Variants in DPP6 observed in about 807,000 individuals in gnomAD.
DPP6 encodes A-type potassium channel modulatory protein DPP6.
Under a neutral mutation model 122.6 loss-of-function variants are expected in DPP6, and 69 were observed. The observed-to-expected ratio is 0.56, with a 90% CI of 0.46 to 0.69. DPP6 has a LOEUF of 0.69. DPP6 is among the 30% of genes least tolerant of loss of function. DPP6 has a pLI of 0.00. For synonymous variants in DPP6, 418 were observed against 433.1 expected (o/e 0.97, Z 0.43); for missense variants, 928 against 1,116.9 (o/e 0.83, Z 2.41).
chr7:154,433,136 GTTTTTTTTT>G (rs548053204), intron 1 of DPP6, among the ~76,000 whole-genome samples: 32 of 72,348 alleles, frequency 4.4e-4, no homozygotes, highest in African/African-American at 1.7e-3. Flanking sequence ...TAGACTGCAA[GTTTTTTTTT>G]TTTTTTTTTT....
intron 7 of DPP6, among the ~76,000 whole-genome samples, chr7:154,679,959 C>T (rs1056619290): frequency 8.5e-5 from 13 of 152,112 alleles, no homozygotes; most frequent in African/African-American, 3.1e-4. Flanking sequence ...TTAATATTCA[C>T]TTGCACTCAA....
chr7:154,776,930 T>G (rs143332461), intron 10 of DPP6, among the ~76,000 whole-genome samples: 386 of 152,366 alleles, frequency 2.5e-3, no homozygotes, highest in African/African-American at 8.8e-3. Context: ...TTCAGCAGGC[T>G]AGCTCACGAA....
intron 12 of DPP6, among the ~76,000 whole-genome samples, chr7:154,799,493 T>C (rs1179600317): frequency 6.6e-6 from 1 of 152,244 alleles, no homozygotes; most frequent in Admixed American, 6.5e-5. Context: ...CAGAGCCTAT[T>C]GTTTTGGTTG....
At chr7:154,034,947 A>C (rs1799443595) in intron 1 of DPP6, among the ~76,000 whole-genome samples, 1 of 150,830 alleles carries the variant, frequency 6.6e-6, no homozygotes, top group African/African-American at 2.4e-5. Context: ...AGATGGAAAG[A>C]ACTGACCTTT....
intron 1 of DPP6, among the ~76,000 whole-genome samples, chr7:154,206,462 T>C (rs1411152094): frequency 1.3e-5 from 2 of 152,172 alleles, no homozygotes; most frequent in Non-Finnish European, 2.9e-5. Flanking sequence ...CCCAGACATA[T>C]TGCTCATCGG....
intron 1 of DPP6, among the ~76,000 whole-genome samples, chr7:154,203,892 ATTTTTGTGTG>A (rs959878165): frequency 2.0e-5 from 3 of 152,260 alleles, no homozygotes; most frequent in African/African-American, 7.2e-5. Flanking sequence ...AGTAACATCT[ATTTTTGTGTG>A]TTTTTGTGAA....
chr7:153,934,683 T>C (rs1001320236), intron 1 of DPP6, among the ~76,000 whole-genome samples: 6 of 152,154 alleles, frequency 3.9e-5, no homozygotes, highest in Non-Finnish European at 8.8e-5. Flanking sequence ...CACTCACAGC[T>C]GTCATCTGGA....
chr7:154,794,056 C>T (rs1222479531), intron 10 of DPP6, 23 bp from the exon 11 acceptor site: 8 of 1,609,744 alleles, frequency 5.0e-6, no homozygotes, highest in African/African-American at 1.3e-5. Context: ...CCAAGCTGCT[C>T]ATGCTGTGTT....
At chr7:154,462,220 G>A (rs371714024) in intron 2 of DPP6, among the ~76,000 whole-genome samples, 2 of 152,244 alleles carry the variant, frequency 1.3e-5, no homozygotes, top group Non-Finnish European at 1.5e-5. Context: ...ATTGCTCTAT[G>A]TGTCTGTTTT....
intron 6 of DPP6, among the ~76,000 whole-genome samples, chr7:154,648,175 G>A (rs536772405): frequency 2.8e-4 from 42 of 151,478 alleles, no homozygotes; most frequent in East Asian, 2.5e-3. Flanking sequence ...CAGGAGAATC[G>A]TTTGAACCCT....
At chr7:154,658,064 G>A (rs1563069215) in intron 6 of DPP6, among the ~76,000 whole-genome samples, 2 of 152,200 alleles carry the variant, frequency 1.3e-5, no homozygotes, top group African/African-American at 2.4e-5. Context: ...GCACACAGAG[G>A]TTTGGAGACC....
intron 1 of DPP6, among the ~76,000 whole-genome samples, chr7:154,133,785 C>T (rs1795407472): frequency 6.7e-6 from 1 of 148,260 alleles, no homozygotes. Context: ...TCTTCTACTC[C>T]TATCAGCTCA....
chr7:154,696,974 G>A (rs573260459), intron 7 of DPP6, among the ~76,000 whole-genome samples: 34 of 115,430 alleles, frequency 2.9e-4, no homozygotes, highest in African/African-American at 1.1e-3. Flanking sequence ...GAGAGAGTAC[G>A]ATTCTACAAA....
At chr7:154,343,592 T>C (rs1810115655) in intron 1 of DPP6, among the ~76,000 whole-genome samples, 1 of 152,188 alleles carries the variant, frequency 6.6e-6, no homozygotes, top group African/African-American at 2.4e-5. Context: ...TTTTAGTTTT[T>C]GTTTTTGAAA....
intron 7 of DPP6, among the ~76,000 whole-genome samples, chr7:154,678,718 G>C (rs1045780633): frequency 3.9e-5 from 6 of 152,214 alleles, no homozygotes; most frequent in African/African-American, 1.4e-4. Context: ...TGTTTGTTTT[G>C]CTCTTAAAGG....
intron 1 of DPP6, among the ~76,000 whole-genome samples, chr7:154,019,286 C>T (rs1170695398): frequency 6.5e-4 from 99 of 152,204 alleles, no homozygotes; most frequent in Non-Finnish European, 3.1e-4. Flanking sequence ...CTAAAGCCAG[C>T]CTCTCCTTAC....
At chr7:154,320,001 AATATATATAT>A (rs71182894) in intron 1 of DPP6, among the ~76,000 whole-genome samples, 9,945 of 139,136 alleles carry the variant, frequency 0.071, 868 homozygotes, top group African/African-American at 0.21. Context: ...AAATATTTCA[AATATATATAT>A]ATATATATAT....
At chr7:154,865,789 G>C (rs943344851) in intron 17 of DPP6, among the ~76,000 whole-genome samples, 2 of 152,130 alleles carry the variant, frequency 1.3e-5, no homozygotes, top group Non-Finnish European at 2.9e-5. Flanking sequence ...GTCCTGTTTA[G>C]TTTCCTGGGG....
chr7:154,476,729 G>A (rs1273855271), intron 3 of DPP6, among the ~76,000 whole-genome samples: 1 of 152,120 alleles, frequency 6.6e-6, no homozygotes, highest in Non-Finnish European at 1.5e-5. Flanking sequence ...CTGGTTGGGG[G>A]AACCAAAACC....
Sources: allele counts gnomAD v4.1 joint callset (sites outside exome capture counted in the v4.1 genomes callset), GRCh38; gene constraint gnomAD v4.1.1; transcripts MANE v1.5; gene names NCBI Gene and HGNC (gene_info 2026-07-23, HGNC 2026-07-21).